MICAL2: variants seen among roughly 807,000 people sequenced by gnomAD.
MICAL2 encodes [F-actin]-monooxygenase MICAL2.
Under a neutral mutation model 127.3 loss-of-function variants are expected in MICAL2, and 77 were observed. The ratio of observed to expected loss-of-function variants is 0.60; its 90% confidence interval spans 0.50 to 0.73. MICAL2 has a LOEUF of 0.73. MICAL2 is among the 30% of genes least tolerant of loss of function. The pLI is 0.00. For missense variants in MICAL2, 1,351 were observed against 1,434.4 expected (o/e 0.94, Z 0.94); for synonymous variants, 570 against 551.1 (o/e 1.03, Z -0.48).
chr11:12,250,334 G>A (rs1590637272), intron 22 of MICAL2: 1 of 152,342 alleles, frequency 6.6e-6, no homozygotes, highest in African/African-American at 2.4e-5. Context: ...GGCATGCAAT[G>A]TGAAATAAGC....
chr11:12,289,402 G>C (rs1284247064), downstream of MICAL2, among the ~76,000 whole-genome samples: 1 of 152,190 alleles, frequency 6.6e-6, no homozygotes, highest in African/African-American at 2.4e-5. Context: ...TCCTGGCTGG[G>C]TAGAGTGTGC....
At chr11:12,254,172 G>A (rs1337568570) in intron 22 of MICAL2, 9 of 152,220 alleles carry the variant, frequency 5.9e-5, no homozygotes, top group Admixed American at 5.9e-4. Flanking sequence ...AGGGGGCAGA[G>A]TCCAAATATG....
intron 10 of MICAL2, 34 bp downstream of exon 10, chr11:12,221,793 G>A (rs781458860): frequency 3.2e-6 from 5 of 1,570,438 alleles, no homozygotes; most frequent in Non-Finnish European, 4.4e-6. Flanking sequence ...TAACTGGGGG[G>A]CAGGGCACTC....
rs375007916 is a variant in MICAL2 at position 12,150,033 on chromosome 11, T to G, written c.-78+11573T>G. ...CGTTGGTTTGATGCACCGGGTGGCC[T>G]GTGAGGAGAAAACAGATTGTGGTGG... On this transcript the variant is annotated intron_variant, in intron 2 of 27. Coordinates refer to ENST00000683283, the MANE Select transcript of MICAL2 (RefSeq NM_001282663.2). 5.0e-4 allele frequency among the ~76,000 whole-genome samples: 76 copies of G among 152,226 alleles called. No individual in the cohort carries two copies. The South Asian group carries it at 5.4e-3, about 11-fold the overall frequency.
chr11:12,313,363 C>T (rs1404114136), intron 29 of MICAL2, among the ~76,000 whole-genome samples: 3 of 151,870 alleles, frequency 2.0e-5, no homozygotes, highest in African/African-American at 7.3e-5. Context: ...CTATGAATAA[C>T]CGCGGGGGGA....
downstream of MICAL2, chr11:12,292,318 T>C (rs761752754): frequency 1.2e-6 from 2 of 1,613,490 alleles, no homozygotes; most frequent in Non-Finnish European, 1.7e-6. Flanking sequence ...CTGAGGGTCC[T>C]GCCCAGGTGT....
Position 12,262,544 on chromosome 11 carries a change from G to A in MICAL2, c.*17+7G>A, listed in dbSNP as rs1330609571. 6.2e-7 allele frequency: 1 copy of A among 1,609,302 alleles called. No homozygotes were observed. Among genetic ancestry groups the A allele is most frequent in the Admixed American group, 1.7e-5 (1 of 60,004 alleles). On this transcript the variant is annotated splice_region_variant and intron_variant, in intron 27 of 27. Transcript: ENST00000683283. ...GACACACTTCTGCTCTAAGGTGACT[G>A]GTTTTCTTGCCAATTTTCAAAGAGT...
chr11:12,179,719 C>T (rs533858238), intron 3 of MICAL2, among the ~76,000 whole-genome samples: 1 of 152,036 alleles, frequency 6.6e-6, no homozygotes, highest in Non-Finnish European at 1.5e-5. Context: ...AATTCTGCGT[C>T]CTGCTCTCGA....
chr11:12,205,969 A>G (rs1253480862), intron 4 of MICAL2, among the ~76,000 whole-genome samples: 2 of 152,174 alleles, frequency 1.3e-5, no homozygotes, highest in African/African-American at 2.4e-5. Flanking sequence ...ACAACTGGAG[A>G]GAATTATCAG....
chr11:12,153,721 T>C (rs1178286657), intron 2 of MICAL2, among the ~76,000 whole-genome samples: 4 of 152,212 alleles, frequency 2.6e-5, no homozygotes, highest in Non-Finnish European at 4.4e-5. Context: ...TTCCCCCAGA[T>C]CCTGGTAACC....
chr11:12,112,942 G>T (rs370051554), intron 1 of MICAL2, among the ~76,000 whole-genome samples: 1 of 151,858 alleles, frequency 6.6e-6, no homozygotes, highest in South Asian at 2.1e-4. Context: ...CCACACCTGG[G>T]TTTGCCTCCC....
intron 2 of MICAL2, among the ~76,000 whole-genome samples, chr11:12,149,054 G>A (rs1397837525): frequency 6.6e-6 from 1 of 152,186 alleles, no homozygotes; most frequent in Non-Finnish European, 1.5e-5. Context: ...AGTCCAAACT[G>A]GGACCTGTGA....
Position 12,312,160 on chromosome 11 carries a change from T to G in MICAL2, c.5213-7536T>G, listed in dbSNP as rs1348168186. Among the ~76,000 whole-genome samples the G allele has an allele frequency of 2.0e-5, 3 of 151,896 alleles. No homozygotes were observed. In the East Asian group the frequency reaches 5.8e-4, roughly 29 times the overall value. ...ATTTTTTGCTTAATCATTCTTAATT[T>G]TGTATTTTTAGAGTCAAATTTTCGC... On this transcript the variant is annotated intron_variant, in intron 29 of 34. Transcript: ENST00000646065.
intron 23 of MICAL2, 67 bp downstream of exon 23, chr11:12,255,817 G>T: frequency 7.5e-7 from 1 of 1,337,674 alleles, no homozygotes. Context: ...CGGGCACATG[G>T]GATGTCGAGA....
chr11:12,327,035 G>A (rs1864360696), intron 31 of MICAL2: 4 of 722,810 alleles, frequency 5.5e-6, no homozygotes, highest in African/African-American at 1.8e-5. Flanking sequence ...GGAATTCAGA[G>A]GTCCTTGCCT....
At chr11:12,219,478 A>G (rs1340895833) in intron 8 of MICAL2, among the ~76,000 whole-genome samples, 1 of 146,704 alleles carries the variant, frequency 6.8e-6, no homozygotes, top group African/African-American at 2.5e-5. Context: ...CAGTGAGCCA[A>G]AATCACACCA....
chr11:12,344,952 A>T (rs1938930114), intron 32 of MICAL2, among the ~76,000 whole-genome samples: 1 of 150,820 alleles, frequency 6.6e-6, no homozygotes, highest in Middle Eastern at 3.2e-3. Context: ...CTAAAAAAAA[A>T]AGTACAAAAA....
intron 29 of MICAL2, among the ~76,000 whole-genome samples, chr11:12,304,779 A>G (rs1006469597): frequency 1.3e-5 from 2 of 151,560 alleles, no homozygotes; most frequent in South Asian, 4.2e-4. Flanking sequence ...CTTCTGTTTC[A>G]CTGGCTGGTT....
intron 20 of MICAL2, among the ~76,000 whole-genome samples, chr11:12,243,742 T>C (rs1292187222): frequency 3.3e-5 from 5 of 152,206 alleles, no homozygotes; most frequent in Admixed American, 3.3e-4. Context: ...AGGAACAGAT[T>C]GAATCTGCAT....
Sources: gnomAD v4.1 joint callset for allele counts (sites outside exome capture counted in the v4.1 genomes callset) on GRCh38, gnomAD v4.1.1 for gene constraint, MANE v1.5 for transcripts, NCBI Gene and HGNC (gene_info 2026-07-23, HGNC 2026-07-21) for gene names.